Variants in HDAC9 observed in about 807,000 individuals in gnomAD.
The protein encoded by HDAC9 is histone deacetylase 9, also known as MEF-2 interacting transcription repressor (MITR) protein.
HDAC9 carries 41 observed loss-of-function variants against 139.4 expected under a neutral mutation model. That is an observed-to-expected ratio of 0.29 (90% confidence interval 0.23 to 0.38). The LOEUF (loss-of-function observed/expected upper bound fraction) is 0.38, where lower values mean the gene tolerates loss of function less well. Ranked by LOEUF, HDAC9 falls within the 10% of genes least tolerant of loss-of-function variation. HDAC9 has a pLI of 1.00. For missense variants in HDAC9, 1,147 were observed against 1,297.0 expected, an observed-to-expected ratio of 0.88 and a Z score of 1.78; for synonymous variants, 517 against 476.2, an observed-to-expected ratio of 1.09 and a Z score of -1.12.
In HDAC9 at chr7:18,975,777, T is replaced by G. The variant is rs752563442; in HGVS notation, c.3023-29T>G. 35 of 1,608,824 alleles carry G rather than the reference T, an allele frequency of 2.2e-5. No individual in the cohort carries two copies. The Admixed American group carries it at 5.7e-4, about 26-fold the overall frequency. On this transcript the variant is annotated intron_variant, in intron 24 of 25. Transcript: ENST00000686413. ...ATTATTACTGCTGTAATTACAATTC[T>G]TATGAAGTATGATGGATGTTTTTCC...
chr7:18,443,123 A>G (rs1365408954), intron 1 of HDAC9, among the ~76,000 whole-genome samples: 2 of 152,204 alleles, frequency 1.3e-5, no homozygotes, highest in Admixed American at 1.3e-4. Context: ...CAAACTCAGT[A>G]ATCATAAACT....
chr7:18,666,857 C>A (rs17150251), intron 12 of HDAC9: 13,523 of 1,036,562 alleles, frequency 0.013, 101 homozygotes, highest in Middle Eastern at 0.042. Context: ...AGATCAGTGA[C>A]TGCTGGATAG....
At chr7:18,982,533 T>C (rs1785024857) in intron 25 of HDAC9, among the ~76,000 whole-genome samples, 1 of 152,102 alleles carries the variant, frequency 6.6e-6, no homozygotes, top group South Asian at 2.1e-4. Context: ...CATGCACACG[T>C]TCTAAGATTT....
Position 18,497,827 on chromosome 7 carries a change from A to G in HDAC9, c.22+1503A>G, listed in dbSNP as rs183473465. Among the ~76,000 whole-genome samples the G allele has an allele frequency of 5.3e-5, 8 of 152,152 alleles. No individual in the cohort carries two copies. In the East Asian group the frequency reaches 1.4e-3, roughly 26 times the overall value. ...TTACAAGTTTGATATTTTTTTTCAT[A>G]TGGTAGAAACATACATGCCTTCCAA... On this transcript the variant is annotated intron_variant, in intron 2 of 25. Transcript: ENST00000686413.
chr7:18,395,535 CAA>C lies in HDAC9; in HGVS notation c.-41-100711_-41-100710del, dbSNP rs11305774. ...TTATATTTTTAGTGACCTAAGGCTT[CAA>C]AAAAAAAAAAAAAAACTAGATACCT... On this transcript the variant is annotated intron_variant, in intron 1 of 3. Transcript: ENST00000413509. Among the ~76,000 whole-genome samples the C allele has an allele frequency of 9.1e-3, 1,128 of 124,310 alleles. 15 individuals carry two copies. The highest frequency in any genetic ancestry group is 0.03 in the African/African-American group (990 of 33,408). The allele number at this position is 124,310 out of a possible 152,430, so 81.6% of individuals were successfully genotyped here.
intron 2 of HDAC9, among the ~76,000 whole-genome samples, chr7:18,574,560 G>T (rs1049280703): frequency 1.3e-5 from 2 of 152,170 alleles, no homozygotes; most frequent in African/African-American, 4.8e-5. Context: ...TCCCCTTTCT[G>T]CCCAGGAGCT....
intron 24 of HDAC9, among the ~76,000 whole-genome samples, chr7:18,967,799 TACATAA>T (rs1208517008): frequency 2.0e-5 from 3 of 152,158 alleles, no homozygotes; most frequent in African/African-American, 2.4e-5. Flanking sequence ...TAAAACTCTT[TACATAA>T]ACATAGAGTA....
intron 2 of HDAC9, among the ~76,000 whole-genome samples, chr7:18,555,740 A>G (rs868755534): frequency 1.1e-4 from 17 of 152,228 alleles, no homozygotes; most frequent in African/African-American, 3.6e-4. Context: ...ATAATAAACG[A>G]TATTTTTAAA....
At chr7:18,745,688 A>C (rs902196692) in intron 13 of HDAC9, among the ~76,000 whole-genome samples, 1 of 150,908 alleles carries the variant, frequency 6.6e-6, no homozygotes, top group Non-Finnish European at 1.5e-5. Flanking sequence ...CTGGGACTAC[A>C]GGCGCCCGCC....
At chr7:18,441,058 G>A (rs1791709727) in intron 1 of HDAC9, among the ~76,000 whole-genome samples, 2 of 152,128 alleles carry the variant, frequency 1.3e-5, no homozygotes, top group South Asian at 4.1e-4. Flanking sequence ...GGACTTCTCT[G>A]GATCATGTTC....
At chr7:18,990,526 G>T (rs2526634) in intron 25 of HDAC9, among the ~76,000 whole-genome samples, 2,865 of 152,364 alleles carry the variant, frequency 0.019, 90 homozygotes, top group African/African-American at 0.062. Context: ...GCCCCCAGAG[G>T]TGGAGCCTAT....
chr7:18,771,449 G>A (rs111541083), intron 16 of HDAC9, among the ~76,000 whole-genome samples: 2,326 of 152,110 alleles, frequency 0.015, 63 homozygotes, highest in African/African-American at 0.053. Flanking sequence ...TACGCGAGAG[G>A]CAGATTTGGA....
At chr7:18,454,235 T>A (rs1793143095) in intron 1 of HDAC9, among the ~76,000 whole-genome samples, 1 of 152,108 alleles carries the variant, frequency 6.6e-6, no homozygotes, top group African/African-American at 2.4e-5. Context: ...GCTCAAAAAA[T>A]TGAAGTTCTT....
At chr7:18,196,862 G>GCC (rs1790764867) in intron 2 of HDAC9, among the ~76,000 whole-genome samples, 2 of 152,124 alleles carry the variant, frequency 1.3e-5, no homozygotes, top group South Asian at 4.2e-4. Context: ...ACCATAGTGT[G>GCC]ATAGTTAATT....
At chr7:18,493,003 C>A (rs1475057261), upstream of HDAC9, among the ~76,000 whole-genome samples, 1 of 151,710 alleles carries the variant, frequency 6.6e-6, no homozygotes, top group Non-Finnish European at 1.5e-5. Flanking sequence ...AGGGATGAAA[C>A]GTAAATAAAC....
chr7:18,260,209 A>G (rs1474499026), intron 2 of HDAC9, among the ~76,000 whole-genome samples: 4 of 151,962 alleles, frequency 2.6e-5, no homozygotes, highest in Admixed American at 6.6e-5. Flanking sequence ...AAGCCTTGCT[A>G]GTCAAAGATG....
chr7:18,246,333 C>G (rs186666219), intron 2 of HDAC9, among the ~76,000 whole-genome samples: 3 of 151,546 alleles, frequency 2.0e-5, no homozygotes, highest in Admixed American at 6.6e-5. Context: ...GGTTGGAAGT[C>G]TGCTTGGCAT....
intron 12 of HDAC9, among the ~76,000 whole-genome samples, chr7:18,715,259 C>CG (rs1163326134): frequency 6.6e-6 from 1 of 150,644 alleles, no homozygotes; most frequent in African/African-American, 2.4e-5. Context: ...TTTTTTAAAG[C>CG]GGATACTTCT....
intron 21 of HDAC9, among the ~76,000 whole-genome samples, chr7:18,868,763 C>T (rs1798682345): frequency 2.0e-5 from 3 of 152,082 alleles, no homozygotes; most frequent in South Asian, 4.1e-4. Context: ...GCTTTCCTTT[C>T]ACCTGTCCCA....
Sources: gnomAD v4.1 joint callset for allele counts (sites outside exome capture counted in the v4.1 genomes callset) on GRCh38, gnomAD v4.1.1 for gene constraint, MANE v1.5 for transcripts, NCBI Gene and HGNC (gene_info 2026-07-23, HGNC 2026-07-21) for gene names.